The following RBMS3 variants were observed in gnomAD, a reference collection of about 807,000 sequenced individuals.
RBMS3 encodes the protein RNA binding motif single stranded interacting protein 3, also known as RNA-binding motif, single-stranded-interacting protein 3.
In RBMS3, 27 loss-of-function variants were observed where a neutral mutation model predicts 66.8. That is an observed-to-expected ratio of 0.40 (90% CI 0.30 to 0.56). The LOEUF (loss-of-function observed/expected upper bound fraction) is 0.56, where lower values mean the gene tolerates loss of function less well. RBMS3 is among the 20% of genes least tolerant of loss of function. The probability of loss-of-function intolerance (pLI) is 0.40; values close to 1 mark genes in which losing one functional copy is unlikely to be tolerated. For synonymous variants in RBMS3, 188 were observed against 183.0 expected, an observed-to-expected ratio of 1.03 and a Z score of -0.22; for missense variants, 513 against 549.5, an observed-to-expected ratio of 0.93 and a Z score of 0.66.
At chr3:29,993,276 CTG>C (rs1698999412) in intron 14 of RBMS3, among the ~76,000 whole-genome samples, 1 of 149,092 alleles carries the variant, frequency 6.7e-6, no homozygotes, top group Non-Finnish European at 1.5e-5. Context: ...GTGGTAGACT[CTG>C]AAACTCCAGT....
chr3:29,909,288 T>G (rs1425421317), intron 10 of RBMS3, among the ~76,000 whole-genome samples: 1 of 152,160 alleles, frequency 6.6e-6, no homozygotes, highest in African/African-American at 2.4e-5. Context: ...AAGTTTACTT[T>G]GAAAAATGTA....
intron 3 of RBMS3, among the ~76,000 whole-genome samples, chr3:29,500,460 AT>A (rs989222412): frequency 1.3e-5 from 2 of 149,860 alleles, no homozygotes; most frequent in African/African-American, 2.4e-5. Context: ...ATATTTACAT[AT>A]TTATTCTACA....
At chr3:29,468,874 T>C (rs9855960) in intron 2 of RBMS3, among the ~76,000 whole-genome samples, 48,870 of 151,944 alleles carry the variant, frequency 0.32, 8,021 homozygotes, top group East Asian at 0.46. Context: ...TGTTTGAAAA[T>C]GAGGATGCTC....
chr3:29,942,902 A>C (rs919704380), intron 11 of RBMS3, among the ~76,000 whole-genome samples: 1 of 151,668 alleles, frequency 6.6e-6, no homozygotes, highest in Non-Finnish European at 1.5e-5. Flanking sequence ...AAATTGGAAA[A>C]ACTTTTAAAA....
At chr3:29,861,505 G>A (rs1230147020) in intron 6 of RBMS3, among the ~76,000 whole-genome samples, 2 of 152,178 alleles carry the variant, frequency 1.3e-5, no homozygotes, top group Non-Finnish European at 2.9e-5. Flanking sequence ...AAAGTGGTCA[G>A]CTTCTGTAAG....
chr3:29,397,902 T>C (rs2039629178), intron 1 of RBMS3, among the ~76,000 whole-genome samples: 2 of 152,246 alleles, frequency 1.3e-5, no homozygotes, highest in South Asian at 4.1e-4. Flanking sequence ...TCCATAGCCA[T>C]AGGGTCTCGA....
At chr3:29,727,643 G>A (rs546850270) in intron 4 of RBMS3, among the ~76,000 whole-genome samples, 13 of 152,108 alleles carry the variant, frequency 8.5e-5, no homozygotes, top group South Asian at 2.1e-4. Flanking sequence ...AATGCAAATC[G>A]AAACCGCAAT....
intron 3 of RBMS3, among the ~76,000 whole-genome samples, chr3:29,541,522 C>G (rs2149012170): frequency 6.8e-6 from 1 of 146,420 alleles, no homozygotes; most frequent in Admixed American, 6.7e-5. Context: ...AATCTCACCT[C>G]ATTTCAGCAC....
chr3:29,763,047 G>T, intron 6 of RBMS3, 58 bp downstream of exon 6: 1 of 1,195,768 alleles, frequency 8.4e-7, no homozygotes, highest in Non-Finnish European at 1.2e-6. Context: ...GCTCTTATTA[G>T]AATAAGTACA....
chr3:29,950,159 C>T (rs772113064), intron 12 of RBMS3, among the ~76,000 whole-genome samples: 5 of 151,786 alleles, frequency 3.3e-5, no homozygotes, highest in Non-Finnish European at 7.4e-5. Context: ...ACAGGGTAAG[C>T]CTGGGATGGC....
At chr3:29,722,028 T>C (rs2053663689) in intron 4 of RBMS3, among the ~76,000 whole-genome samples, 1 of 152,188 alleles carries the variant, frequency 6.6e-6, no homozygotes, top group African/African-American at 2.4e-5. Flanking sequence ...AGATGCTGAA[T>C]TTCGTGTTTG....
intron 4 of RBMS3, among the ~76,000 whole-genome samples, chr3:29,630,176 A>G (rs2049232117): frequency 6.6e-6 from 1 of 152,036 alleles, no homozygotes; most frequent in African/African-American, 2.4e-5. Flanking sequence ...CCATGGAACA[A>G]GAAATAGGTT....
intron 6 of RBMS3, among the ~76,000 whole-genome samples, chr3:29,771,756 C>T (rs2056211947): frequency 6.6e-6 from 1 of 151,896 alleles, no homozygotes; most frequent in Admixed American, 6.6e-5. Flanking sequence ...AAACTTACAT[C>T]AGGGCGGAAT....
intron 4 of RBMS3, among the ~76,000 whole-genome samples, chr3:29,724,955 A>G (rs967146580): frequency 1.3e-5 from 2 of 152,166 alleles, no homozygotes; most frequent in Admixed American, 1.3e-4. Context: ...ATTTAGCTCA[A>G]GGGGTGACAT....
chr3:29,688,472 C>T (rs2051831404), intron 4 of RBMS3, among the ~76,000 whole-genome samples: 1 of 151,176 alleles, frequency 6.6e-6, no homozygotes, highest in African/African-American at 2.4e-5. Flanking sequence ...AGGGTAGATC[C>T]CACATTGTGA....
In RBMS3 at chr3:30,004,412, G is replaced by A. The variant is rs1699742132; in HGVS notation, c.*550G>A. On this transcript the variant is annotated 3_prime_UTR_variant, in exon 15 of 15. Coordinates refer to ENST00000383767, the MANE Select transcript of RBMS3 (RefSeq NM_001003793.3). ...TTGCCTTAATTTTAAGGACGTCAAA[G>A]GCTCTCGAGGCAAGCTGTCAACGTC... 6.6e-6 allele frequency: 1 copy of A among 151,962 alleles called. No homozygotes were observed. The highest frequency in any genetic ancestry group is 2.4e-5 in the African/African-American group (1 of 41,294). The allele number at this position is 151,962 out of a possible 1,614,324, so 9.4% of individuals were successfully genotyped here.
intron 2 of RBMS3, among the ~76,000 whole-genome samples, chr3:29,442,802 T>C (rs1479034087): frequency 6.6e-6 from 1 of 152,154 alleles, no homozygotes; most frequent in African/African-American, 2.4e-5. Context: ...TGTTGACCCC[T>C]CCTTTCTTCT....
chr3:29,597,977 A>G (rs1056980177), intron 4 of RBMS3, among the ~76,000 whole-genome samples: 2 of 152,204 alleles, frequency 1.3e-5, no homozygotes, highest in East Asian at 1.9e-4. Context: ...AATGAATTTT[A>G]CTCTTTTCTG....
intron 14 of RBMS3, among the ~76,000 whole-genome samples, chr3:29,997,308 C>G (rs1334276440): frequency 3.3e-5 from 5 of 151,190 alleles, no homozygotes; most frequent in East Asian, 1.9e-4. Context: ...TCCAGGATCA[C>G]ATGGATTCAC....
Sources: gnomAD v4.1 joint callset for allele counts (sites outside exome capture counted in the v4.1 genomes callset) on GRCh38, gnomAD v4.1.1 for gene constraint, MANE v1.5 for transcripts, NCBI Gene and HGNC (gene_info 2026-07-23, HGNC 2026-07-21) for gene names.